The following ARMH4 variants were observed in gnomAD, a reference collection of about 807,000 sequenced individuals.
ARMH4 encodes armadillo like helical domain containing 4, also known as armadillo-like helical domain-containing protein 4.
In ARMH4, 49 loss-of-function variants were observed where a neutral mutation model predicts 61.9. The observed-to-expected ratio is 0.79, with a 90% CI of 0.63 to 1.00. The LOEUF (loss-of-function observed/expected upper bound fraction) is 1.00. Ranked by LOEUF, ARMH4 falls within the 50% of genes least tolerant of loss-of-function variation. The probability of loss-of-function intolerance (pLI) is 0.00; values close to 1 mark genes in which losing one functional copy is unlikely to be tolerated. For synonymous variants in ARMH4, 368 were observed against 341.5 expected (o/e 1.08, Z -0.85); for missense variants, 934 against 930.0 (o/e 1.00, Z -0.06).
intron 5 of ARMH4, among the ~76,000 whole-genome samples, chr14:58,018,597 G>C (rs1209548108): frequency 6.6e-6 from 1 of 152,032 alleles, no homozygotes; most frequent in Non-Finnish European, 1.5e-5. Flanking sequence ...TATTAGAAAG[G>C]CTATTATCAA....
chr14:58,117,275 G>A (rs72716918), intron 4 of ARMH4, among the ~76,000 whole-genome samples: 5,875 of 152,218 alleles, frequency 0.039, 144 homozygotes, highest in African/African-American at 0.071. Context: ...GAGCCATCTG[G>A]AATAATATCT....
intron 4 of ARMH4, among the ~76,000 whole-genome samples, chr14:58,105,633 G>C (rs1445129991): frequency 6.6e-6 from 1 of 150,930 alleles, no homozygotes; most frequent in Non-Finnish European, 1.5e-5. Context: ...GTTGCAGTCA[G>C]CCGAGATTAC....
chr14:58,025,082 G>A (rs746531669), intron 5 of ARMH4, among the ~76,000 whole-genome samples: 8 of 152,136 alleles, frequency 5.3e-5, no homozygotes, highest in Non-Finnish European at 7.4e-5. Flanking sequence ...CAACAGACTG[G>A]TTGAGTGCAG....
intron 5 of ARMH4, among the ~76,000 whole-genome samples, chr14:58,067,103 A>G (rs1884729613): frequency 6.6e-6 from 1 of 152,198 alleles, no homozygotes; most frequent in South Asian, 2.1e-4. Context: ...TTCTTCAAAC[A>G]CTTTTGAAAT....
intron 1 of ARMH4, 87 bp downstream of exon 1, chr14:58,151,988 G>A (rs1482933505): frequency 1.3e-5 from 2 of 152,316 alleles, no homozygotes; most frequent in African/African-American, 4.8e-5. Flanking sequence ...GCGACCCCAC[G>A]CCACTGAGGC....
intron 5 of ARMH4, among the ~76,000 whole-genome samples, chr14:58,015,475 C>A (rs1236997310): frequency 6.6e-6 from 1 of 152,120 alleles, no homozygotes; most frequent in Non-Finnish European, 1.5e-5. Flanking sequence ...ATGCCTTGTG[C>A]TTCTCAGGTA....
chr14:58,051,121 G>A (rs963368211), intron 5 of ARMH4, among the ~76,000 whole-genome samples: 2 of 150,670 alleles, frequency 1.3e-5, no homozygotes, highest in Non-Finnish European at 1.5e-5. Context: ...GGGGGAGGGG[G>A]TTAACAAATC....
At chr14:58,071,216 T>A (rs1193745717) in intron 5 of ARMH4, among the ~76,000 whole-genome samples, 1 of 151,276 alleles carries the variant, frequency 6.6e-6, no homozygotes, top group Non-Finnish European at 1.5e-5. Flanking sequence ...GCAATGACAA[T>A]GATAAAAGAG....
chr14:58,048,501 T>C (rs1452238910), intron 5 of ARMH4, among the ~76,000 whole-genome samples: 1 of 152,208 alleles, frequency 6.6e-6, no homozygotes, highest in Non-Finnish European at 1.5e-5. Flanking sequence ...CCCGTAACAC[T>C]GACCAGTGCG....
chr14:58,064,022 A>C (rs1044230891), intron 5 of ARMH4, among the ~76,000 whole-genome samples: 6 of 152,228 alleles, frequency 3.9e-5, no homozygotes, highest in African/African-American at 1.4e-4. Context: ...TGGTGTAGGT[A>C]ATACGCACAC....
At chr14:58,066,256 T>C (rs923589789) in intron 5 of ARMH4, among the ~76,000 whole-genome samples, 1 of 152,214 alleles carries the variant, frequency 6.6e-6, no homozygotes, top group African/African-American at 2.4e-5. Flanking sequence ...TGTTATAATG[T>C]GTCACAGCCA....
At chr14:58,140,623 G>A (rs903772636) in intron 1 of ARMH4, among the ~76,000 whole-genome samples, 32 of 149,238 alleles carry the variant, frequency 2.1e-4, no homozygotes, top group African/African-American at 7.2e-4. Flanking sequence ...AAAGAGGGCC[G>A]GGTGCAGTGG....
rs754827124 is a variant in ARMH4 at position 58,139,262 on chromosome 14, T to G, written c.97A>C (p.Arg33=). ...TGAACATGTGCTATCTCCCTCCTCCTTTCTATTTTGGGGAAGGCCAGACAT... is the reference window on the plus strand; with the variant it reads ...TGAACATGTGCTATCTCCCTCCTCCGTTCTATTTTGGGGAAGGCCAGACAT... ...TQCLAFPKIE[R]RREIAHVHAE... The change falls in exon 2 of 8, where the codon AGG becomes CGG. Residue 33 remains arginine (R), a synonymous_variant. Coordinates refer to ENST00000267485, the MANE Select transcript of ARMH4 (RefSeq NM_001001872.4). 7.4e-6 allele frequency: 12 copies of G among 1,614,052 alleles called. No individual in the cohort carries two copies. The East Asian group carries it at 2.2e-4, about 30-fold the overall frequency.
At chr14:58,080,046 G>A (rs1023700034) in intron 5 of ARMH4, among the ~76,000 whole-genome samples, 7 of 152,012 alleles carry the variant, frequency 4.6e-5, no homozygotes, top group Admixed American at 6.6e-5. Context: ...CAACAGCCAG[G>A]TTTGACTGCC....
intron 4 of ARMH4, among the ~76,000 whole-genome samples, chr14:58,114,592 T>C (rs1457752307): frequency 6.6e-6 from 1 of 152,228 alleles, no homozygotes; most frequent in East Asian, 1.9e-4. Flanking sequence ...CTCAAAATCA[T>C]CCATTTTATC....
intron 5 of ARMH4, among the ~76,000 whole-genome samples, chr14:58,022,587 T>C (rs10143224): frequency 0.26 from 39,586 of 151,876 alleles, 5,324 homozygotes; most frequent in Non-Finnish European, 0.3. Flanking sequence ...CCTCTATTGA[T>C]TGGCTTTCCA....
At chr14:58,128,548 G>A (rs1286209381) in intron 4 of ARMH4, among the ~76,000 whole-genome samples, 1 of 152,156 alleles carries the variant, frequency 6.6e-6, no homozygotes, top group African/African-American at 2.4e-5. Context: ...AACAGGCAAG[G>A]TGAAAAATAA....
intron 5 of ARMH4, among the ~76,000 whole-genome samples, chr14:58,063,939 G>A (rs1174526742): frequency 6.6e-6 from 1 of 152,168 alleles, no homozygotes; most frequent in Non-Finnish European, 1.5e-5. Context: ...TATATCAAAT[G>A]GAAATAGCAG....
chr14:58,077,479 C>T (rs1185979140), intron 5 of ARMH4, among the ~76,000 whole-genome samples: 1 of 152,140 alleles, frequency 6.6e-6, no homozygotes. Context: ...GCGTGGTGCA[C>T]ACCTGCGGTC....
Sources: allele counts gnomAD v4.1 joint callset (sites outside exome capture counted in the v4.1 genomes callset), GRCh38; gene constraint gnomAD v4.1.1; transcripts MANE v1.5; gene names NCBI Gene and HGNC (gene_info 2026-07-23, HGNC 2026-07-21).